The following SPC25 variants were observed in gnomAD, a reference collection of about 807,000 sequenced individuals.
SPC25 encodes kinetochore protein Spc25.
SPC25 carries 22 observed loss-of-function variants against 29.6 expected under a neutral mutation model. The observed-to-expected ratio is 0.74, with a 90% CI of 0.53 to 1.06. The LOEUF is 1.06. Among genes scored for constraint, SPC25 ranks in the 50% least tolerant of loss-of-function variants. The pLI is 0.00. For missense variants in SPC25, 230 were observed against 255.8 expected (o/e 0.90, Z 0.69); for synonymous variants, 91 against 90.4 (o/e 1.01, Z -0.04).
At chr2:168,884,747 G>A (rs1235173771) in intron 3 of SPC25, 3 of 152,142 alleles carry the variant, frequency 2.0e-5, no homozygotes, top group Non-Finnish European at 2.9e-5. Flanking sequence ...CTGAAGATGA[G>A]TAAGGCTTCT....
intron 3 of SPC25, among the ~76,000 whole-genome samples, chr2:168,881,798 G>T (rs147972923): frequency 2.0e-5 from 3 of 152,226 alleles, no homozygotes; most frequent in African/African-American, 7.2e-5. Context: ...TTTTCTCAAA[G>T]TTAAACAAGT....
At chr2:168,886,041 G>A (rs373830150) in intron 3 of SPC25, among the ~76,000 whole-genome samples, 3 of 146,076 alleles carry the variant, frequency 2.1e-5, no homozygotes, top group Admixed American at 1.4e-4. Flanking sequence ...TTCTAACAAC[G>A]AATACAATCT....
chr2:168,877,579 T>TA (rs1184700378), intron 3 of SPC25, among the ~76,000 whole-genome samples, 195 bp from the exon 4 acceptor site: 4 of 151,652 alleles, frequency 2.6e-5, no homozygotes, highest in African/African-American at 7.3e-5. Flanking sequence ...TACTCATCTT[T>TA]AAAAAAAATG....
chr2:168,876,046 T>C, intron 5 of SPC25, 26 bp downstream of exon 5: 1 of 1,322,082 alleles, frequency 7.6e-7, no homozygotes, highest in Non-Finnish European at 1.0e-6. Context: ...TAATCTCCTA[T>C]ATTTTATTTA....
chr2:168,882,647 A>C (rs903377949), intron 3 of SPC25, among the ~76,000 whole-genome samples: 4 of 152,108 alleles, frequency 2.6e-5, no homozygotes, highest in African/African-American at 9.7e-5. Flanking sequence ...ACTGCATTCA[A>C]ACTCAGGTCT....
chr2:168,867,562 CA>C (rs1303555203), downstream of SPC25, among the ~76,000 whole-genome samples: 2 of 152,118 alleles, frequency 1.3e-5, no homozygotes, highest in Non-Finnish European at 2.9e-5. Flanking sequence ...AAATGGAAAA[CA>C]AAAAAAGGCA....
intron 3 of SPC25, among the ~76,000 whole-genome samples, chr2:168,884,389 A>T (rs1396056385): frequency 6.6e-6 from 1 of 152,192 alleles, no homozygotes; most frequent in African/African-American, 2.4e-5. Flanking sequence ...CTTTCAATAG[A>T]TGATCTTCCT....
downstream of SPC25, among the ~76,000 whole-genome samples, chr2:168,869,843 T>C (rs935003558): frequency 3.3e-5 from 5 of 152,094 alleles, no homozygotes; most frequent in Admixed American, 2.0e-4. Flanking sequence ...CTTCACAGAA[T>C]TGGAAAAAAC....
At chr2:168,876,352 T>C (rs1029657412) in intron 4 of SPC25, among the ~76,000 whole-genome samples, 176 bp from the exon 5 acceptor site, 3 of 152,100 alleles carry the variant, frequency 2.0e-5, no homozygotes, top group Admixed American at 6.6e-5. Flanking sequence ...TTCATTCAAG[T>C]TGGAAGGAAA....
downstream of SPC25, among the ~76,000 whole-genome samples, chr2:168,868,091 C>T (rs1429125269): frequency 6.6e-6 from 1 of 152,190 alleles, no homozygotes; most frequent in Non-Finnish European, 1.5e-5. Flanking sequence ...GAACAACCTG[C>T]TCCTGAATGA....
intron 5 of SPC25, 43 bp from the exon 6 acceptor site, chr2:168,873,726 GGA>G (rs750916511): frequency 7.8e-7 from 1 of 1,284,216 alleles, no homozygotes; most frequent in Admixed American, 1.7e-5. Flanking sequence ...AGCTTTCAAT[GGA>G]GATACCCTTT....
At chr2:168,888,138 C>A (rs1281058370) in intron 3 of SPC25, among the ~76,000 whole-genome samples, 1 of 152,146 alleles carries the variant, frequency 6.6e-6, no homozygotes, top group African/African-American at 2.4e-5. Flanking sequence ...ATTAGCCAGG[C>A]ATGCTGGTGT....
intron 3 of SPC25, among the ~76,000 whole-genome samples, chr2:168,880,947 TATA>T (rs1468623790): frequency 2.6e-5 from 4 of 152,148 alleles, no homozygotes; most frequent in African/African-American, 4.8e-5. Flanking sequence ...CCACAAGAAA[TATA>T]ATAATGACAA....
In SPC25 at chr2:168,888,447, T is replaced by G. The variant is rs1030167129; in HGVS notation, c.199+779A>C. ...GCAGGCGCCTGTAGTCCCAGCTACT[T>G]GGGAGGCTGAGGCAGGAGAGTGGCG... is the stretch of plus-strand genomic sequence containing the variant. On this transcript the variant is annotated intron_variant, in intron 3 of 6. Transcript: ENST00000282074. Among the ~76,000 whole-genome samples the G allele has an allele frequency of 6.6e-5, 10 of 152,112 alleles. No individual in the cohort carries two copies. The South Asian group carries it at 2.1e-3, about 32-fold the overall frequency.
intron 4 of SPC25, among the ~76,000 whole-genome samples, chr2:168,864,238 A>G (rs1403366184): frequency 6.6e-6 from 1 of 151,248 alleles, no homozygotes; most frequent in African/African-American, 2.4e-5. Context: ...CGGCCTCCCA[A>G]CGTGCTGGGA....
intron 1 of SPC25, 96 bp from the exon 2 acceptor site, chr2:168,889,629 T>C: frequency 1.6e-6 from 2 of 1,287,858 alleles, no homozygotes; most frequent in Non-Finnish European, 2.1e-6. Flanking sequence ...ATTTGTCCTT[T>C]GCTAGAAAAT....
chr2:168,868,023 C>G (rs202230121), downstream of SPC25, among the ~76,000 whole-genome samples: 2 of 132,468 alleles, frequency 1.5e-5, no homozygotes, highest in Non-Finnish European at 3.3e-5. Flanking sequence ...CACAGTGCAA[C>G]CAAACTAGAA....
chr2:168,870,529 C>T (rs545009300), downstream of SPC25, among the ~76,000 whole-genome samples: 2 of 151,946 alleles, frequency 1.3e-5, no homozygotes, highest in African/African-American at 4.8e-5. Flanking sequence ...CAAACAACCC[C>T]ATCAAAAAGT....
chr2:168,873,366 C>T lies in SPC25; in HGVS notation c.550+219G>A, dbSNP rs570121385. Among the ~76,000 whole-genome samples the T allele has an allele frequency of 2.0e-3, 298 of 152,222 alleles. 2 individuals carry two copies. Among genetic ancestry groups the T allele is most frequent in the African/African-American group, 6.8e-3 (282 of 41,550 alleles). ...TTGTTCAGACACTGTGGCACTGTGC[C>T]ATCCTGAAGAGATGCTACTTATTAA... On this transcript the variant is annotated intron_variant, in intron 6 of 6. Transcript: ENST00000282074.
Sources: gnomAD v4.1 joint callset for allele counts (sites outside exome capture counted in the v4.1 genomes callset) on GRCh38, gnomAD v4.1.1 for gene constraint, MANE v1.5 for transcripts, NCBI Gene and HGNC (gene_info 2026-07-23, HGNC 2026-07-21) for gene names.